The following PISD variants were observed in gnomAD, a reference collection of about 807,000 sequenced individuals.
PISD encodes phosphatidylserine decarboxylase proenzyme, mitochondrial.
In PISD, 31 loss-of-function variants were observed where a neutral mutation model predicts 43.5. The observed-to-expected ratio is 0.71, with a 90% CI of 0.54 to 0.96. The LOEUF (loss-of-function observed/expected upper bound fraction) is 0.96, where lower values mean the gene tolerates loss of function less well. PISD is among the 40% of genes least tolerant of loss of function. The pLI, the probability that PISD is intolerant of heterozygous loss-of-function variation, is 0.00. For missense variants in PISD, 523 were observed against 548.4 expected (o/e 0.95, Z 0.46); for synonymous variants, 259 against 228.7 (o/e 1.13, Z -1.20).
rs183149548 is a variant in PISD at position 31,630,825 on chromosome 22, G to A, written c.322-8940C>T. 3,319 of 985,494 alleles carry A rather than the reference G, an allele frequency of 3.4e-3. 121 individuals are homozygous for A. In the South Asian group the frequency reaches 0.071, roughly 21 times the overall value. 61.0% of individuals were successfully genotyped at this position (985,494 alleles called of 1,614,324 possible). ...TCACCCGCAGGTGGCTCCAGCTTCC[G>A]GGCTCCGACTCCCTAGGGGCGCTCC... On this transcript the variant is annotated intron_variant, in intron 3 of 7. Transcript: ENST00000439502. This position sits in a 1 kb window ranked among gnomAD's most constrained non-coding sequence, Gnocchi z 4.4.
At chr22:31,647,393 T>C (rs1376222011) in intron 3 of PISD, among the ~76,000 whole-genome samples, 1 of 152,220 alleles carries the variant, frequency 6.6e-6, no homozygotes, top group Non-Finnish European at 1.5e-5. Flanking sequence ...GGATCACCAC[T>C]GCATTCCAGA....
chr22:31,628,116 A>G (rs141383852), intron 3 of PISD: 145 of 985,532 alleles, frequency 1.5e-4, no homozygotes, highest in Admixed American at 1.8e-4. Flanking sequence ...GTGCCTCCAT[A>G]TCACCAGCTG....
At chr22:31,623,870 C>T (rs1368882531) in intron 3 of PISD, 1 of 1,606,166 alleles carries the variant, frequency 6.2e-7, no homozygotes, top group Admixed American at 1.7e-5. Flanking sequence ...CAGGTCCATG[C>T]ACAGCCAGGT....
intron 3 of PISD, among the ~76,000 whole-genome samples, chr22:31,641,526 A>T (rs1002525294): frequency 3.3e-5 from 5 of 152,164 alleles, no homozygotes; most frequent in African/African-American, 1.2e-4. Context: ...TTTGAAACTT[A>T]GGAATTGTGG....
At chr22:31,620,450 C>A (rs950495223) in intron 7 of PISD, 103 bp downstream of exon 7, 9 of 1,167,690 alleles carry the variant, frequency 7.7e-6, no homozygotes, top group Admixed American at 2.2e-5. Flanking sequence ...GAGCTGTGGC[C>A]TCCCTAGAAT....
intron 1 of PISD, among the ~76,000 whole-genome samples, chr22:31,658,983 G>A (rs1379399508): frequency 6.6e-6 from 1 of 151,588 alleles, no homozygotes; most frequent in Non-Finnish European, 1.5e-5. Context: ...CCTCCCAGGT[G>A]GCTGGGACTA....
intron 3 of PISD, chr22:31,638,259 G>A (rs1317248624): frequency 2.1e-6 from 1 of 470,524 alleles, no homozygotes; most frequent in Admixed American, 6.4e-5. Flanking sequence ...CACAGCTCAG[G>A]CCCAAAGATG....
chr22:31,621,451 T>G lies in PISD; in HGVS notation c.580A>C (p.Ile194Leu). 1 of 1,614,122 alleles carries G rather than the reference T, an allele frequency of 6.2e-7. No homozygotes were observed. Among genetic ancestry groups the G allele is most frequent in the Non-Finnish European group, 8.5e-7 (1 of 1,180,008 alleles). ...HSVISPSDGR[I>L]LNFGQVKNCE... Reference sequence around the variant, plus strand: ...TTCTTCACCTGCCCAAAGTTGAGGATCCTTCCATCCGATGGGCTAATCTGG... The same window carrying G: ...TTCTTCACCTGCCCAAAGTTGAGGAGCCTTCCATCCGATGGGCTAATCTGG... Residue 194 changes from isoleucine to leucine, a missense_variant, in exon 5 of 8, where the codon ATC (isoleucine) becomes CTC (leucine). Ile to Leu is a conservative substitution (Grantham distance 5, BLOSUM62 2). Transcript: ENST00000439502.
chr22:31,637,206 T>TAGAGAG (rs1569487733), intron 3 of PISD, among the ~76,000 whole-genome samples: 1 of 102,094 alleles, frequency 9.8e-6, no homozygotes, highest in African/African-American at 3.9e-5. Context: ...TATATATATA[T>TAGAGAG]AGAAAAATTA....
intron 3 of PISD, chr22:31,625,690 G>A: frequency 6.5e-7 from 1 of 1,536,520 alleles, no homozygotes; most frequent in Non-Finnish European, 8.8e-7. Context: ...CGAGGCCGCT[G>A]GATGTGAACT....
At chr22:31,624,756 C>G (rs933793797) in intron 3 of PISD, among the ~76,000 whole-genome samples, 1 of 120,288 alleles carries the variant, frequency 8.3e-6, no homozygotes, top group African/African-American at 3.2e-5. Flanking sequence ...CACACACACA[C>G]GAGACCCAAG....
chr22:31,639,381 C>T (rs2073621664), intron 3 of PISD, among the ~76,000 whole-genome samples: 1 of 152,012 alleles, frequency 6.6e-6, no homozygotes, highest in South Asian at 2.1e-4. Flanking sequence ...ACCATGTTGG[C>T]CAGGCTGGCT....
At chr22:31,633,878 TA>T (rs2073310778) in intron 3 of PISD, among the ~76,000 whole-genome samples, 1 of 152,208 alleles carries the variant, frequency 6.6e-6, no homozygotes, top group Non-Finnish European at 1.5e-5. Context: ...GAATTTCCAT[TA>T]GGGAAAAAAA....
intron 1 of PISD, among the ~76,000 whole-genome samples, chr22:31,657,866 C>T (rs1258615316): frequency 1.3e-5 from 2 of 152,104 alleles, no homozygotes; most frequent in Non-Finnish European, 2.9e-5. Context: ...TTCTTCCCAT[C>T]CCCCCACTAC....
rs1295707403 is a variant in PISD at position 31,619,567 on chromosome 22, C to CTGTT, written c.*41_*44dup. 4 of 1,528,034 alleles carry CTGTT rather than the reference C, an allele frequency of 2.6e-6. No individual in the cohort carries two copies. Among genetic ancestry groups the CTGTT allele is most frequent in the Middle Eastern group, 3.4e-4 (2 of 5,912 alleles). The allele number at this position is 1,528,034 out of a possible 1,614,324, so 94.7% of individuals were successfully genotyped here. A position where few individuals can be genotyped will look rare whatever the true frequency, so the allele number is the denominator to read the frequency against. ...CCTCCCTCTTGAAAAGACCCTCACT[C>CTGTT]TGTTTGGAAAAGATCCCTTAGCAGC... On this transcript the variant is annotated 3_prime_UTR_variant, in exon 8 of 8. Transcript: ENST00000439502.
chr22:31,662,001 C>T, intron 1 of PISD, 143 bp downstream of exon 1: 1 of 727,522 alleles, frequency 1.4e-6, no homozygotes, highest in Admixed American at 2.1e-5. Context: ...GTCGCACCTG[C>T]TCCTAAGCTC....
chr22:31,619,127 CTG>C lies in PISD; in HGVS notation c.*483_*484del, dbSNP rs1408325470. The C allele has an allele frequency of 4.0e-6, 1 of 247,464 alleles. No individual in the cohort carries two copies. The highest frequency in any genetic ancestry group is 5.2e-5 in the Admixed American group (1 of 19,368). The allele number at this position is 247,464 out of a possible 1,614,324, so 15.3% of individuals were successfully genotyped here. A position where few individuals can be genotyped will look rare whatever the true frequency, so the allele number is the denominator to read the frequency against. ...GAACGGAAAGCAGTTGTCACGAAGGCTGTGTGGCTCTGCTGGGGGAGAGGCAT... is the reference window on the plus strand; with the variant it reads ...GAACGGAAAGCAGTTGTCACGAAGGCTGTGGCTCTGCTGGGGGAGAGGCAT... On this transcript the variant is annotated 3_prime_UTR_variant, in exon 8 of 8. Coordinates refer to ENST00000439502, the MANE Select transcript of PISD (RefSeq NM_001326411.2).
chr22:31,640,199 C>CTT (rs35782790), intron 3 of PISD, among the ~76,000 whole-genome samples: 2,172 of 139,350 alleles, frequency 0.016, 67 homozygotes, highest in African/African-American at 0.054. Context: ...TTTCAAGCTA[C>CTT]TTTTTTTTTT....
chr22:31,622,638 C>A (rs1301794560), intron 3 of PISD, among the ~76,000 whole-genome samples: 1 of 152,200 alleles, frequency 6.6e-6, no homozygotes, highest in Non-Finnish European at 1.5e-5. Context: ...CCTGGGGTTC[C>A]TCCCAGGAGG....
Sources: gnomAD v4.1 joint callset for allele counts (sites outside exome capture counted in the v4.1 genomes callset) on GRCh38, gnomAD v4.1.1 for gene constraint, Gnocchi (gnomAD v3.1) non-coding constraint, MANE v1.5 for transcripts, NCBI Gene and HGNC (gene_info 2026-07-23, HGNC 2026-07-21) for gene names.